TAF4: variants seen among roughly 807,000 people sequenced by gnomAD.
TAF4 encodes the protein transcription initiation factor TFIID subunit 4.
Under a neutral mutation model 90.3 loss-of-function variants are expected in TAF4, and 9 were observed. The observed-to-expected ratio is 0.10, with a 90% confidence interval of 0.06 to 0.17. The LOEUF (loss-of-function observed/expected upper bound fraction) is 0.17, where lower values mean the gene tolerates loss of function less well. TAF4 is among the 10% of genes least tolerant of loss of function. TAF4 has a pLI of 1.00. For synonymous variants in TAF4, 818 were observed against 638.9 expected (o/e 1.28, Z -4.23); for missense variants, 1,351 against 1,370.7 (o/e 0.99, Z 0.23).
Position 62,038,184 on chromosome 20 carries a change from C to T in TAF4, c.1361-23477G>A, listed in dbSNP as rs191481051. On this transcript the variant is annotated intron_variant, in intron 1 of 14. Transcript: ENST00000252996. ...CTGGGACTACAGGAGCCCACCACTACGCCCGGCTAATTTTTTGTATTTTTA... is the reference window on the plus strand; with the variant it reads ...CTGGGACTACAGGAGCCCACCACTATGCCCGGCTAATTTTTTGTATTTTTA... 4.9e-3 allele frequency among the ~76,000 whole-genome samples: 746 copies of T among 152,204 alleles called. 9 individuals are homozygous for T. The highest frequency in any genetic ancestry group is 0.017 in the African/African-American group (698 of 41,516).
At chr20:62,028,737 A>C (rs1411181755) in intron 1 of TAF4, among the ~76,000 whole-genome samples, 1 of 152,142 alleles carries the variant, frequency 6.6e-6, no homozygotes, top group Admixed American at 6.5e-5. Flanking sequence ...GCTGGCATCC[A>C]CCTGACCTCC....
intron 1 of TAF4, among the ~76,000 whole-genome samples, chr20:62,034,966 A>G (rs368666172): frequency 1.3e-5 from 2 of 151,858 alleles, no homozygotes; most frequent in South Asian, 4.2e-4. Flanking sequence ...GACTACAGGC[A>G]CCCACCACCA....
At chr20:62,043,416 T>G (rs2145504769) in intron 1 of TAF4, among the ~76,000 whole-genome samples, 1 of 152,322 alleles carries the variant, frequency 6.6e-6, no homozygotes, top group South Asian at 2.1e-4. Context: ...AAAGTTAAGT[T>G]TATAAAGTTA....
At chr20:61,978,650 G>A (rs1373764793) in intron 14 of TAF4, among the ~76,000 whole-genome samples, 1 of 140,764 alleles carries the variant, frequency 7.1e-6, no homozygotes, top group Non-Finnish European at 1.6e-5. Flanking sequence ...CAAGGCCGAG[G>A]GCGAGACCAA....
At chr20:62,064,125 G>T (rs79248022) in intron 1 of TAF4, among the ~76,000 whole-genome samples, 36 of 152,384 alleles carry the variant, frequency 2.4e-4, no homozygotes, top group African/African-American at 7.2e-4. Flanking sequence ...CCCGGGCAGG[G>T]ACGCATAGGG....
intron 1 of TAF4, among the ~76,000 whole-genome samples, chr20:62,048,007 C>T (rs1379827295): frequency 6.6e-6 from 1 of 152,200 alleles, no homozygotes; most frequent in Non-Finnish European, 1.5e-5. Flanking sequence ...CCCAAACCCT[C>T]ACTGGACCAC....
intron 1 of TAF4, 41 bp downstream of exon 1, chr20:62,064,410 C>T (rs6089319): frequency 1.6e-6 from 2 of 1,281,846 alleles, no homozygotes; most frequent in African/African-American, 3.1e-5. Flanking sequence ...GCTGGCGCTG[C>T]TGGGAGCCGC....
At chr20:61,983,602 T>C (rs921182940) in intron 14 of TAF4, among the ~76,000 whole-genome samples, 1 of 152,258 alleles carries the variant, frequency 6.6e-6, no homozygotes, top group East Asian at 1.9e-4. Context: ...AAAGTCAAAG[T>C]TGCAGTGAGC....
intron 1 of TAF4, among the ~76,000 whole-genome samples, chr20:62,019,865 C>T (rs1368380599): frequency 6.6e-6 from 1 of 152,246 alleles, no homozygotes; most frequent in South Asian, 2.1e-4. Context: ...CACAACCACA[C>T]GGGCACCTGC....
chr20:62,022,436 G>A (rs573257809), intron 1 of TAF4, among the ~76,000 whole-genome samples: 26 of 152,298 alleles, frequency 1.7e-4, no homozygotes, highest in African/African-American at 5.5e-4. Flanking sequence ...CAAAAGTGGT[G>A]TTTCCCTGCA....
chr20:62,015,578 G>A (rs144352490), intron 1 of TAF4, among the ~76,000 whole-genome samples: 1 of 152,250 alleles, frequency 6.6e-6, no homozygotes, highest in East Asian at 1.9e-4. Flanking sequence ...AAACACACGT[G>A]CAATGAGGCA....
chr20:62,064,870 G>C lies in TAF4; in HGVS notation c.941C>G (p.Ala314Gly). ...GGGGCCCCCGGCGGCCGGGGCGGGGGCGGGGGCTGCCCCGGCGCTGCCCCC... is the reference window on the plus strand; with the variant it reads ...GGGGCCCCCGGCGGCCGGGGCGGGGCCGGGGGCTGCCCCGGCGCTGCCCCC... ...QNGGSAGAAP[A>G]PAPAAGGPAG... Residue 314 changes from alanine (A) to glycine (G), a missense_variant, in exon 1 of 15, where the codon GCC (alanine) becomes GGC (glycine). Ala to Gly is a moderately conservative substitution (Grantham distance 60, BLOSUM62 0). Around this residue, in one of 9 missense-constraint regions of TAF4, gnomAD observed 782 missense variants for 536.6 expected, o/e 1.46. Coordinates refer to ENST00000252996, the MANE Select transcript of TAF4 (RefSeq NM_003185.4). The C allele has an allele frequency of 2.1e-6, 2 of 933,332 alleles. No individual in the cohort carries two copies. Among genetic ancestry groups the C allele is most frequent in the South Asian group, 4.9e-5 (1 of 20,582 alleles). The allele number at this position is 933,332 out of a possible 1,614,324, so 57.8% of individuals were successfully genotyped here. A position where few individuals can be genotyped will look rare whatever the true frequency, so the allele number is the denominator to read the frequency against.
chr20:61,980,583 A>G (rs1410937219), intron 14 of TAF4: 1 of 152,294 alleles, frequency 6.6e-6, no homozygotes, highest in African/African-American at 2.4e-5. Flanking sequence ...CGTTTTGAAG[A>G]ACAGCAGTAG....
chr20:62,011,749 T>C (rs901548454), intron 3 of TAF4, among the ~76,000 whole-genome samples: 1 of 152,214 alleles, frequency 6.6e-6, no homozygotes, highest in Non-Finnish European at 1.5e-5. Flanking sequence ...CCTGTGGCAC[T>C]GAGGCAAGGA....
At chr20:62,026,878 C>T (rs1415111955) in intron 1 of TAF4, among the ~76,000 whole-genome samples, 1 of 152,210 alleles carries the variant, frequency 6.6e-6, no homozygotes, top group Non-Finnish European at 1.5e-5. Flanking sequence ...CTCAGCATCC[C>T]CTCATCATTT....
At chr20:62,029,023 C>T (rs1354483358) in intron 1 of TAF4, among the ~76,000 whole-genome samples, 4 of 152,082 alleles carry the variant, frequency 2.6e-5, no homozygotes, top group African/African-American at 7.2e-5. Context: ...AGTGAAAACC[C>T]GTCTCCACTA....
At position 62,004,328 on chromosome 20, in the gene TAF4, C is replaced by CTTTT. The variant is rs60437230; in HGVS notation, c.2224-454_2224-451dup. Among the ~76,000 whole-genome samples the CTTTT allele has an allele frequency of 1.5e-3, 180 of 117,194 alleles. 5 individuals are homozygous for CTTTT. Among genetic ancestry groups the CTTTT allele is most frequent in the East Asian group, 4.3e-3 (18 of 4,164 alleles). 76.9% of individuals were successfully genotyped at this position (117,194 alleles called of 152,430 possible). A position where few individuals can be genotyped will look rare whatever the true frequency, so the allele number is the denominator to read the frequency against. On this transcript the variant is annotated intron_variant, in intron 7 of 14. Transcript: ENST00000252996. ...TGAATTTTCTTTTTTCTTTTCTTTT[C>CTTTT]TTTTTTTTTTTTTTTTTGAGACAAG...
At chr20:62,063,541 G>C (rs1025138337) in intron 1 of TAF4, among the ~76,000 whole-genome samples, 1 of 152,184 alleles carries the variant, frequency 6.6e-6, no homozygotes. Context: ...CGCAGAGACA[G>C]CAGACTAGAC....
Position 62,065,188 on chromosome 20 carries a change from T to C in TAF4, c.623A>G (p.His208Arg). 8.4e-7 allele frequency: 1 copy of C among 1,194,606 alleles called. No individual in the cohort carries two copies. The highest frequency in any genetic ancestry group is 2.8e-5 in the Admixed American group (1 of 35,956). The allele number at this position is 1,194,606 out of a possible 1,614,324, so 74.0% of individuals were successfully genotyped here. A position where few individuals can be genotyped will look rare whatever the true frequency, so the allele number is the denominator to read the frequency against. The change falls in exon 1 of 15, where the codon CAC (histidine) becomes CGC (arginine). Residue 208 changes from histidine (H) to arginine (R), a missense_variant. Around this residue, in one of 9 missense-constraint regions of TAF4, gnomAD observed 782 missense variants for 536.6 expected, o/e 1.46. Coordinates refer to ENST00000252996, the MANE Select transcript of TAF4 (RefSeq NM_003185.4). ...GCTGACAGCAGGTGCGGCGGCGTGG[T>C]GCGAGTTCAGCAGCGCGGCGCTCCC... ...LNGSAALLNS[H>R]HAAAPAVSLV...
Sources: allele counts gnomAD v4.1 joint callset (sites outside exome capture counted in the v4.1 genomes callset), GRCh38; gene constraint gnomAD v4.1.1; regional missense constraint gnomAD v4.1.1; transcripts MANE v1.5; gene names NCBI Gene and HGNC (gene_info 2026-07-23, HGNC 2026-07-21).